The following NUMB variants were observed in gnomAD, a reference collection of about 807,000 sequenced individuals.
NUMB encodes protein numb homolog.
Under a neutral mutation model 59.7 loss-of-function variants are expected in NUMB, and 29 were observed. The ratio of observed to expected loss-of-function variants is 0.49; its 90% CI spans 0.36 to 0.66. The LOEUF (loss-of-function observed/expected upper bound fraction) is 0.66, where lower values mean the gene tolerates loss of function less well. NUMB is among the 30% of genes least tolerant of loss of function. The probability of loss-of-function intolerance (pLI) is 0.00; values close to 1 mark genes in which losing one functional copy is unlikely to be tolerated. For synonymous variants in NUMB, 288 were observed against 288.2 expected (o/e 1.00, Z 0.01); for missense variants, 723 against 822.0 (o/e 0.88, Z 1.47).
intron 5 of NUMB, among the ~76,000 whole-genome samples, chr14:73,320,529 G>A (rs531641937): frequency 2.0e-5 from 3 of 152,080 alleles, no homozygotes; most frequent in South Asian, 2.1e-4. Context: ...TACTGTGTTC[G>A]GCTTAAAACT....
intron 1 of NUMB, among the ~76,000 whole-genome samples, chr14:73,430,108 ATATTT>A: frequency 6.6e-6 from 1 of 151,422 alleles, no homozygotes; most frequent in South Asian, 2.1e-4. Flanking sequence ...ATTTAATTAT[ATATTT>A]TATATGTTTT....
At chr14:73,341,600 C>A (rs1892632646) in intron 4 of NUMB, among the ~76,000 whole-genome samples, 1 of 152,040 alleles carries the variant, frequency 6.6e-6, no homozygotes, top group East Asian at 1.9e-4. Flanking sequence ...GTTGCCGAGG[C>A]TAAGTACAGT....
chr14:73,425,341 T>C (rs1897533927), intron 1 of NUMB, among the ~76,000 whole-genome samples: 2 of 152,238 alleles, frequency 1.3e-5, no homozygotes, highest in South Asian at 4.2e-4. Flanking sequence ...ACCTAGGATA[T>C]AGATTAAGAT....
At chr14:73,442,092 G>A (rs1238986418) in intron 1 of NUMB, among the ~76,000 whole-genome samples, 1 of 151,496 alleles carries the variant, frequency 6.6e-6, no homozygotes, top group Non-Finnish European at 1.5e-5. Flanking sequence ...GCTCACACTT[G>A]TAGTCCCAGC....
chr14:73,451,169 A>AAC (rs1883927866), intron 1 of NUMB, among the ~76,000 whole-genome samples: 2 of 117,856 alleles, frequency 1.7e-5, no homozygotes, highest in Admixed American at 8.8e-5. Flanking sequence ...AAAAAAAAAA[A>AAC]AAAAACAAAA....
chr14:73,316,398 A>G lies in NUMB; in HGVS notation c.226T>C (p.Phe76Leu). ...TGTGGCATCAAACTTACTTTTCCAA[A>G]GAAGCCTTTGAAGAACTTCCTTTCC... ...KAERKFFKGF[F>L]GKTGKKAVKA... Residue 76 changes from phenylalanine (F) to leucine (L), a missense_variant, in exon 6 of 13, where the codon TTT becomes CTT. Phe to Leu is a conservative substitution (Grantham distance 22). Coordinates refer to ENST00000555238, the MANE Select transcript of NUMB (RefSeq NM_001005743.2). The G allele has an allele frequency of 6.2e-7, 1 of 1,613,858 alleles. No individual in the cohort carries two copies. The highest frequency in any genetic ancestry group is 8.5e-7 in the Non-Finnish European group (1 of 1,179,870).
In NUMB at chr14:73,421,724, A is replaced by C. The variant is rs76024308; in HGVS notation, c.-232-11656T>G. ...CTCTTGGTAAAGTTCTGAACAAAACAAAGTACAATTTGCCCCAGGTTAATA... is the reference window on the plus strand; with the variant it reads ...CTCTTGGTAAAGTTCTGAACAAAACCAAGTACAATTTGCCCCAGGTTAATA... On this transcript the variant is annotated intron_variant, in intron 1 of 12. Transcript: ENST00000555238. Among the ~76,000 whole-genome samples, 191 of 152,302 alleles carry C rather than the reference A, an allele frequency of 1.3e-3. 10 individuals carry two copies. The East Asian group carries it at 0.036, about 29-fold the overall frequency.
chr14:73,310,349 G>C (rs1890712584), intron 6 of NUMB, among the ~76,000 whole-genome samples: 1 of 152,174 alleles, frequency 6.6e-6, no homozygotes, highest in African/African-American at 2.4e-5. Context: ...GATATTTATT[G>C]AAAGTTCTCA....
rs1893181622 is a variant in NUMB, at chr14:73,350,419, T to C, written c.126+5207A>G. 2.0e-5 allele frequency among the ~76,000 whole-genome samples: 3 copies of C among 149,624 alleles called. 1 individual carries two copies. In the South Asian group the frequency reaches 6.6e-4, roughly 33 times the overall value. On this transcript the variant is annotated intron_variant, in intron 4 of 12. Coordinates refer to ENST00000555238, the MANE Select transcript of NUMB (RefSeq NM_001005743.2). ...AACTCCTTACCTCAAATGATCCACC[T>C]GCCTCAGCCTCCCAAAGTGCTGGGA...
At chr14:73,445,773 C>T (rs141378854) in intron 1 of NUMB, among the ~76,000 whole-genome samples, 5 of 152,190 alleles carry the variant, frequency 3.3e-5, no homozygotes, top group African/African-American at 9.6e-5. Context: ...GTTAACTTGC[C>T]TAAGAAAGCA....
chr14:73,346,208 G>A (rs552616641), intron 4 of NUMB, among the ~76,000 whole-genome samples: 13 of 151,990 alleles, frequency 8.6e-5, no homozygotes, highest in Admixed American at 2.0e-4. Context: ...GGCTGGGTGC[G>A]GTGGCTCATG....
At chr14:73,449,451 C>T (rs565474863) in intron 1 of NUMB, among the ~76,000 whole-genome samples, 2 of 152,078 alleles carry the variant, frequency 1.3e-5, no homozygotes, top group African/African-American at 4.8e-5. Flanking sequence ...TGTATTTATT[C>T]GTATTATTTG....
chr14:73,419,469 A>T (rs1349689154), intron 1 of NUMB, among the ~76,000 whole-genome samples: 4 of 152,230 alleles, frequency 2.6e-5, no homozygotes, highest in Admixed American at 1.3e-4. Context: ...AGATTGCGCC[A>T]CTGCACTCCA....
chr14:73,349,024 T>C (rs1566753831), intron 4 of NUMB, among the ~76,000 whole-genome samples: 2 of 152,248 alleles, frequency 1.3e-5, no homozygotes, highest in African/African-American at 4.8e-5. Context: ...ATCCTCCATA[T>C]TCATTCTGCA....
rs184442597 is a variant in NUMB at position 73,324,509 on chromosome 14, G to C, written c.127-1305C>G. On this transcript the variant is annotated intron_variant, in intron 4 of 12. Transcript: ENST00000555238. ...TAGAGGGAAAGTTCTCTTCTCCCCAGCATCAACAAATAGTCTTGTTTGGCT... is the reference window on the plus strand; with the variant it reads ...TAGAGGGAAAGTTCTCTTCTCCCCACCATCAACAAATAGTCTTGTTTGGCT... Among the ~76,000 whole-genome samples, 1,057 of 152,142 alleles carry C rather than the reference G, an allele frequency of 6.9e-3. 13 individuals carry two copies. Among genetic ancestry groups the C allele is most frequent in the African/African-American group, 0.024 (1,010 of 41,478 alleles).
At chr14:73,277,398 C>T (rs561328252) in intron 12 of NUMB, 105 bp from the exon 13 acceptor site, 8 of 876,742 alleles carry the variant, frequency 9.1e-6, no homozygotes, top group Non-Finnish European at 8.5e-6. Flanking sequence ...CATGTCCCCC[C>T]CTAATGGGAC....
intron 1 of NUMB, among the ~76,000 whole-genome samples, chr14:73,434,686 C>T (rs979158833): frequency 2.0e-5 from 3 of 151,672 alleles, no homozygotes; most frequent in East Asian, 3.9e-4. Flanking sequence ...GACAACATAG[C>T]GAGACTTCAT....
At chr14:73,450,594 A>G (rs1280205993) in intron 1 of NUMB, among the ~76,000 whole-genome samples, 1 of 152,000 alleles carries the variant, frequency 6.6e-6, no homozygotes, top group East Asian at 1.9e-4. Flanking sequence ...CAGGAGTTTG[A>G]GATCAGCCTG....
chr14:73,348,194 T>C (rs1224308557), intron 4 of NUMB, among the ~76,000 whole-genome samples: 1 of 152,194 alleles, frequency 6.6e-6, no homozygotes, highest in East Asian at 1.9e-4. Flanking sequence ...CTCGAGAATA[T>C]GGAAAATACA....
Sources: allele counts gnomAD v4.1 joint callset (sites outside exome capture counted in the v4.1 genomes callset), GRCh38; gene constraint gnomAD v4.1.1; transcripts MANE v1.5; gene names NCBI Gene and HGNC (gene_info 2026-07-23, HGNC 2026-07-21).